Variants in C1orf141 observed in about 807,000 individuals in gnomAD.
C1orf141 encodes chromosome 1 open reading frame 141, also known as uncharacterized protein C1orf141.
A neutral mutation model predicts 23.2 loss-of-function variants in C1orf141; 19 were observed. That is an observed-to-expected ratio of 0.82 (90% CI 0.57 to 1.20). C1orf141 has a LOEUF of 1.20. C1orf141 is among the 50% of genes most tolerant of loss of function. The pLI is 0.00. For synonymous variants in C1orf141, 153 were observed against 154.6 expected, an observed-to-expected ratio of 0.99 and a Z score of 0.08; for missense variants, 469 against 455.1, an observed-to-expected ratio of 1.03 and a Z score of -0.28.
upstream of C1orf141, among the ~76,000 whole-genome samples, chr1:67,139,775 C>T (rs1282009139): frequency 6.6e-6 from 1 of 152,042 alleles, no homozygotes; most frequent in Non-Finnish European, 1.5e-5. Flanking sequence ...ACTCCTGGAC[C>T]CAAGGCATCC....
Position 67,092,940 on chromosome 1 carries a change from T to C in C1orf141, c.*65A>G. The C allele has an allele frequency of 3.9e-6, 5 of 1,283,470 alleles. No homozygotes were observed. Among genetic ancestry groups the C allele is most frequent in the Non-Finnish European group, 5.4e-6 (5 of 925,200 alleles). 79.5% of individuals were successfully genotyped at this position (1,283,470 alleles called of 1,614,324 possible). ...ACATTACTATTTGGATAAGAATTTC[T>C]TTTATAATTTTGGAACTTGGATATT... On this transcript the variant is annotated 3_prime_UTR_variant, in exon 8 of 8. Coordinates refer to ENST00000684719, the MANE Select transcript of C1orf141 (RefSeq NM_001276351.2).
intron 5 of C1orf141, among the ~76,000 whole-genome samples, chr1:67,101,000 CT>C (rs933401138): frequency 1.5e-4 from 12 of 82,300 alleles, no homozygotes; most frequent in African/African-American, 4.3e-4. Context: ...TGAGGTGTCA[CT>C]TGGGTTTCAT....
At chr1:67,105,943 A>T (rs1313907374) in intron 5 of C1orf141, among the ~76,000 whole-genome samples, 1 of 152,156 alleles carries the variant, frequency 6.6e-6, no homozygotes, top group Non-Finnish European at 1.5e-5. Flanking sequence ...GAAAGAAGAG[A>T]GCCAAAGATG....
intron 5 of C1orf141, among the ~76,000 whole-genome samples, chr1:67,111,371 A>C (rs1646068480): frequency 6.6e-6 from 1 of 152,128 alleles, no homozygotes; most frequent in Admixed American, 6.5e-5. Flanking sequence ...CTGTATTGAA[A>C]TATCTCCAAC....
chr1:67,098,462 G>C (rs1371954221), intron 5 of C1orf141, among the ~76,000 whole-genome samples: 2 of 152,156 alleles, frequency 1.3e-5, no homozygotes, highest in Non-Finnish European at 2.9e-5. Context: ...GGAGGTGGCA[G>C]TGAGTGGAGA....
At chr1:67,118,259 T>C (rs1386554879) in intron 4 of C1orf141, among the ~76,000 whole-genome samples, 1 of 152,142 alleles carries the variant, frequency 6.6e-6, no homozygotes. Flanking sequence ...AGCAAGAGAT[T>C]CTTTTAGGCC....
chr1:67,136,120 T>C (rs1358949779), upstream of C1orf141, among the ~76,000 whole-genome samples: 1 of 152,116 alleles, frequency 6.6e-6, no homozygotes, highest in Non-Finnish European at 1.5e-5. Context: ...GCAGCCTCAA[T>C]CGCCTGTGCT....
At chr1:67,116,707 C>A (rs958855777) in intron 4 of C1orf141, among the ~76,000 whole-genome samples, 3 of 152,096 alleles carry the variant, frequency 2.0e-5, no homozygotes, top group African/African-American at 7.2e-5. Context: ...CACATGAACG[C>A]TGAGCAAATT....
chr1:67,139,915 C>T (rs370790489), upstream of C1orf141, among the ~76,000 whole-genome samples: 1 of 152,070 alleles, frequency 6.6e-6, no homozygotes, highest in African/African-American at 2.4e-5. Context: ...TATGGGTTAA[C>T]AGATTAATGG....
chr1:67,109,250 G>C (rs1391737398), intron 5 of C1orf141, among the ~76,000 whole-genome samples: 3 of 147,946 alleles, frequency 2.0e-5, no homozygotes, highest in Non-Finnish European at 3.0e-5. Context: ...TGGCCTGAAC[G>C]CAGGAGGCAG....
chr1:67,141,417 T>C (rs1473077726), intron 1 of C1orf141, among the ~76,000 whole-genome samples: 1 of 151,420 alleles, frequency 6.6e-6, no homozygotes, highest in African/African-American at 2.4e-5. Flanking sequence ...GTCAAAAGCC[T>C]CTTAAAAAAA....
chr1:67,110,551 A>G (rs965527426), intron 5 of C1orf141, among the ~76,000 whole-genome samples: 1 of 152,142 alleles, frequency 6.6e-6, no homozygotes, highest in African/African-American at 2.4e-5. Context: ...GAAAAGAGGA[A>G]ATTAGAAGAG....
intron 5 of C1orf141, among the ~76,000 whole-genome samples, chr1:67,109,423 A>C (rs1164682315): frequency 6.6e-6 from 1 of 151,966 alleles, no homozygotes; most frequent in Admixed American, 6.6e-5. Flanking sequence ...ACAATGTAAA[A>C]GTAGGCTTAT....
intron 4 of C1orf141, among the ~76,000 whole-genome samples, chr1:67,118,819 A>G (rs1327965162): frequency 6.6e-6 from 1 of 152,204 alleles, no homozygotes. Context: ...ACAAAGAAAC[A>G]GCTGTCTGCA....
rs1349544753 is a variant in C1orf141, at chr1:67,109,322, G to A, written c.346+6030C>T. Among the ~76,000 whole-genome samples, 60 of 78,836 alleles carry A rather than the reference G, an allele frequency of 7.6e-4. 1 individual carries two copies. The highest frequency in any genetic ancestry group is 1.1e-3 in the Non-Finnish European group (49 of 43,744). The allele number at this position is 78,836 out of a possible 152,430, so 51.7% of individuals were successfully genotyped here. Reference sequence around the variant, plus strand: ...AGCCTGGGCGACAGAGCGAGACTCCGTCTCAAAAAAAAAAAAAAAAAAAAA... The same window carrying A: ...AGCCTGGGCGACAGAGCGAGACTCCATCTCAAAAAAAAAAAAAAAAAAAAA... On this transcript the variant is annotated intron_variant, in intron 5 of 7. Transcript: ENST00000684719.
At chr1:67,096,089 G>A (rs60552083) in intron 6 of C1orf141, 163 bp downstream of exon 6, 25,825 of 456,026 alleles carry the variant, frequency 0.057, 1,406 homozygotes, top group African/African-American at 0.21. Context: ...CTCAAGGTCT[G>A]GATGTGATAT....
Position 67,115,444 on chromosome 1 carries a change from T to C in C1orf141, c.254A>G (p.Glu85Gly), listed in dbSNP as rs2273682. ...KSKMHVSFKC[E>G]PEPRKSNFEK... ...AAAATTACTCTTTCTAGGTTCAGGC[T>C]CACATTTGAAAGAGACATGCCTGGA... The change falls in exon 5 of 8, where the codon GAG becomes GGG. Residue 85 changes from glutamate to glycine, a missense_variant. Physicochemically the swap from Glu to Gly is moderately conservative, Grantham distance 98. This residue lies in a region of C1orf141 where 4 missense variants were observed against 16.7 expected (regional missense o/e 0.24). Transcript: ENST00000684719. The C allele has an allele frequency of 7.9e-3, 11,578 of 1,462,472 alleles. 648 individuals are homozygous for C. The East Asian group carries it at 0.15, about 19-fold the overall frequency. 90.6% of individuals were successfully genotyped at this position (1,462,472 alleles called of 1,614,324 possible).
chr1:67,096,347 A>C, intron 5 of C1orf141, 26 bp from the exon 6 acceptor site: 1 of 1,144,136 alleles, frequency 8.7e-7, no homozygotes, highest in Non-Finnish European at 1.3e-6. Flanking sequence ...ATTTTCATAA[A>C]AGACACATAG....
At chr1:67,138,012 C>A (rs1646600896), upstream of C1orf141, among the ~76,000 whole-genome samples, 1 of 152,186 alleles carries the variant, frequency 6.6e-6, no homozygotes, top group Non-Finnish European at 1.5e-5. Context: ...CTTTAAGTTT[C>A]TTCTTCCTTA....
Sources: allele counts gnomAD v4.1 joint callset (sites outside exome capture counted in the v4.1 genomes callset), GRCh38; gene constraint gnomAD v4.1.1; regional missense constraint gnomAD v4.1.1; transcripts MANE v1.5; gene names NCBI Gene and HGNC (gene_info 2026-07-23, HGNC 2026-07-21).